The following CCDC88A variants were observed in gnomAD, a reference collection of about 807,000 sequenced individuals.
CCDC88A encodes coiled-coil and HOOK domain protein 88A.
CCDC88A carries 54 observed loss-of-function variants against 234.3 expected under a neutral mutation model. The observed-to-expected ratio is 0.23, with a 90% CI of 0.19 to 0.29. CCDC88A has a LOEUF of 0.29. Ranked by LOEUF, CCDC88A falls within the 10% of genes least tolerant of loss-of-function variation. The pLI is 1.00. For synonymous variants in CCDC88A, 753 were observed against 737.8 expected (o/e 1.02, Z -0.33); for missense variants, 1,832 against 2,123.4 (o/e 0.86, Z 2.70).
intron 18 of CCDC88A, chr2:55,320,953 T>A (rs1683549979): frequency 6.6e-6 from 1 of 151,740 alleles, no homozygotes; most frequent in Admixed American, 6.6e-5. Flanking sequence ...CTACAAAAAA[T>A]ACAAAAATTC....
At chr2:55,323,607 T>C (rs1683905887) in intron 17 of CCDC88A, 2 of 152,222 alleles carry the variant, frequency 1.3e-5, no homozygotes, top group South Asian at 4.1e-4. Context: ...TTCTAGTCTC[T>C]ATTTTACATG....
chr2:55,312,603 A>T (rs767805498), intron 22 of CCDC88A, 24 bp from the exon 23 acceptor site: 90 of 1,557,584 alleles, frequency 5.8e-5, no homozygotes, highest in African/African-American at 8.2e-5. Context: ...AACATTTTTT[A>T]AAAAATCAAC....
chr2:55,392,972 TG>T (rs1676889311), intron 2 of CCDC88A, among the ~76,000 whole-genome samples: 1 of 152,206 alleles, frequency 6.6e-6, no homozygotes. Context: ...CCTTTGTTGT[TG>T]TTTTTTTTCT....
chr2:55,331,223 GTATC>G (rs1271884720), intron 16 of CCDC88A, among the ~76,000 whole-genome samples: 1 of 152,200 alleles, frequency 6.6e-6, no homozygotes, highest in Non-Finnish European at 1.5e-5. Context: ...TGCATATTCA[GTATC>G]TATATTAAAA....
chr2:55,297,881 T>A (rs571963606), intron 29 of CCDC88A, among the ~76,000 whole-genome samples: 1 of 152,222 alleles, frequency 6.6e-6, no homozygotes, highest in South Asian at 2.1e-4. Context: ...TTAAAGAGCA[T>A]ACACATAAGG....
chr2:55,388,572 T>C, intron 3 of CCDC88A: 1 of 301,358 alleles, frequency 3.3e-6, no homozygotes, highest in Non-Finnish European at 6.1e-6. Context: ...CAATAGTCAT[T>C]TGTAACATTA....
At chr2:55,302,862 T>C in intron 26 of CCDC88A, 1 of 379,236 alleles carries the variant, frequency 2.6e-6, no homozygotes, top group Non-Finnish European at 4.8e-6. Flanking sequence ...TGACTAGAAA[T>C]ATGCACGTAT....
chr2:55,301,698 T>C (rs893289758), intron 27 of CCDC88A, 174 bp downstream of exon 27: 1 of 611,846 alleles, frequency 1.6e-6, no homozygotes, highest in South Asian at 2.2e-5. Context: ...TTTAGTTATT[T>C]GTATAACGTT....
chr2:55,403,291 G>A (rs1340859072), intron 2 of CCDC88A: 2 of 152,186 alleles, frequency 1.3e-5, no homozygotes, highest in Admixed American at 6.5e-5. Flanking sequence ...CAAAAACCAT[G>A]AGTACTTTTT....
chr2:55,334,293 T>C lies in CCDC88A; in HGVS notation c.2528A>G (p.Gln843Arg). Residue 843 changes from glutamine (Q) to arginine (R), a missense_variant, in exon 15 of 33, where the codon CAA becomes CGA. Around this residue, in one of 6 missense-constraint regions of CCDC88A, gnomAD observed 1,282 missense variants for 1,543.6 expected, o/e 0.83. Transcript: ENST00000436346. The surrounding 1 kb of genome is among the most constrained non-coding windows in gnomAD (Gnocchi z 6.1). ...QLEKENKRLR[Q>R]QAEIKDTTLE... ...TGTGGTATCTTTAATTTCTGCTTGTTGTCGGAGTCTCTTATTTTCCTTCTC... is the reference window on the plus strand; with the variant it reads ...TGTGGTATCTTTAATTTCTGCTTGTCGTCGGAGTCTCTTATTTTCCTTCTC... 1 of 1,456,996 alleles carries C rather than the reference T, an allele frequency of 6.9e-7. No individual in the cohort carries two copies. The highest frequency in any genetic ancestry group is 9.0e-7 in the Non-Finnish European group (1 of 1,107,346). 90.3% of individuals were successfully genotyped at this position (1,456,996 alleles called of 1,614,324 possible).
chr2:55,308,690 G>A (rs1250160528), intron 25 of CCDC88A, 119 bp downstream of exon 25: 5 of 711,340 alleles, frequency 7.0e-6, no homozygotes, highest in South Asian at 1.9e-5. Flanking sequence ...ATTTTATGAT[G>A]TTAAATTAAA....
At position 55,343,856 on chromosome 2, in the gene CCDC88A, A is replaced by G. The variant is rs1246031892; in HGVS notation, c.1189-64T>C. On this transcript the variant is annotated intron_variant, in intron 11 of 32. Transcript: ENST00000436346. ...AGAAACAGTACAATTTTGAGCAAATACTTTATTTCTCACAACTTTTATTTA... is the reference window on the plus strand; with the variant it reads ...AGAAACAGTACAATTTTGAGCAAATGCTTTATTTCTCACAACTTTTATTTA... The G allele has an allele frequency of 2.1e-5, 27 of 1,300,326 alleles. No individual in the cohort carries two copies. In the African/African-American group the frequency reaches 3.7e-4, roughly 18 times the overall value. The allele number at this position is 1,300,326 out of a possible 1,614,324, so 80.5% of individuals were successfully genotyped here. A position where few individuals can be genotyped will look rare whatever the true frequency, so the allele number is the denominator to read the frequency against.
intron 12 of CCDC88A, among the ~76,000 whole-genome samples, chr2:55,342,055 C>T (rs1668578487): frequency 6.6e-6 from 1 of 152,144 alleles, no homozygotes; most frequent in Non-Finnish European, 1.5e-5. Context: ...CTTGAAAGCA[C>T]AAGTACTGCA....
At position 55,299,868 on chromosome 2, in the gene CCDC88A, T is replaced by C. The variant is rs1680669368; in HGVS notation, c.4796A>G (p.Asn1599Ser). 6 of 1,612,944 alleles carry C rather than the reference T, an allele frequency of 3.7e-6. No homozygotes were observed. The highest frequency in any genetic ancestry group is 1.3e-5 in the African/African-American group (1 of 74,912). ...DSGRTSTSNSNNNASLHEVKA... is the reference protein window; with the variant it reads ...DSGRTSTSNSSNNASLHEVKA... The stretch of plus-strand genomic sequence containing the variant: ...GACTTCATGTAGTGAAGCATTATTA[T>C]TGCTATTGCTAGTGGATGTTCTGCC... Residue 1599 changes from asparagine (N) to serine (S), a missense_variant, in exon 29 of 33, where the codon AAT (asparagine) becomes AGT (serine). By Grantham distance (46) the Asn-to-Ser change is conservative (BLOSUM62 1). Transcript: ENST00000436346.
At chr2:55,303,874 T>C (rs988261231) in intron 25 of CCDC88A, among the ~76,000 whole-genome samples, 1 of 152,230 alleles carries the variant, frequency 6.6e-6, no homozygotes, top group Admixed American at 6.5e-5. Flanking sequence ...ATTTTAACTA[T>C]TTTAACTTTT....
At chr2:55,418,945 A>T in intron 1 of CCDC88A, 29 bp from the exon 2 acceptor site, 1 of 1,601,616 alleles carries the variant, frequency 6.2e-7, no homozygotes, top group Non-Finnish European at 8.6e-7. Context: ...TCACCACGAC[A>T]TGAACGCCCA....
At chr2:55,397,966 T>C (rs1034599809) in intron 2 of CCDC88A, among the ~76,000 whole-genome samples, 3 of 152,168 alleles carry the variant, frequency 2.0e-5, no homozygotes, top group African/African-American at 4.8e-5. Context: ...AGGAATTATA[T>C]AGTTATATAC....
intron 5 of CCDC88A, among the ~76,000 whole-genome samples, chr2:55,366,768 G>C (rs1021431978): frequency 1.3e-5 from 2 of 151,964 alleles, no homozygotes; most frequent in African/African-American, 4.8e-5. Context: ...AAAGAAGACA[G>C]GTTTATATGG....
chr2:55,318,937 T>C lies in CCDC88A; in HGVS notation c.3230A>G (p.Asn1077Ser). 1.2e-6 allele frequency: 2 copies of C among 1,613,630 alleles called. No homozygotes were observed. Among genetic ancestry groups the C allele is most frequent in the Non-Finnish European group, 1.7e-6 (2 of 1,179,678 alleles). ...TGCAAGAATCTGAGCCTGCAAATTA[T>C]TGTTCTGTGTCTCAAGTTGCTTCAG... ...TQLKQLETQN[N>S]NLQAQILALQ... The change falls in exon 19 of 33, where the codon AAT becomes AGT. Residue 1077 changes from asparagine (N) to serine (S), a missense_variant. Transcript: ENST00000436346.
Sources: allele counts gnomAD v4.1 joint callset (sites outside exome capture counted in the v4.1 genomes callset), GRCh38; gene constraint gnomAD v4.1.1; regional missense constraint gnomAD v4.1.1; non-coding constraint Gnocchi (gnomAD v3.1); transcripts MANE v1.5; gene names NCBI Gene and HGNC (gene_info 2026-07-23, HGNC 2026-07-21).